Variants in C1QTNF7 observed in about 807,000 individuals in gnomAD.
C1QTNF7 encodes C1q and TNF related 7, also known as complement C1q tumor necrosis factor-related protein 7.
Under a neutral mutation model 19.6 loss-of-function variants are expected in C1QTNF7, and 15 were observed. The observed-to-expected ratio is 0.76, with a 90% CI of 0.51 to 1.18. C1QTNF7 has a LOEUF of 1.18. Ranked by LOEUF, C1QTNF7 falls within the 50% of genes most tolerant of loss-of-function variation. C1QTNF7 has a pLI of 0.00. For synonymous variants in C1QTNF7, 142 were observed against 137.5 expected (o/e 1.03, Z -0.23); for missense variants, 324 against 359.7 (o/e 0.90, Z 0.80).
intron 1 of C1QTNF7, among the ~76,000 whole-genome samples, chr4:15,363,835 T>C (rs748492136): frequency 2.0e-5 from 3 of 152,242 alleles, no homozygotes; most frequent in Non-Finnish European, 4.4e-5. Flanking sequence ...ATCAGACATA[T>C]AGAAAGTGAT....
At chr4:15,390,075 A>G (rs962864837) in intron 1 of C1QTNF7, among the ~76,000 whole-genome samples, 1 of 152,198 alleles carries the variant, frequency 6.6e-6, no homozygotes, top group Non-Finnish European at 1.5e-5. Context: ...TGTCCGCTGT[A>G]TACAAGACTA....
At chr4:15,417,994 C>T (rs1711524569) in intron 1 of C1QTNF7, among the ~76,000 whole-genome samples, 2 of 152,178 alleles carry the variant, frequency 1.3e-5, no homozygotes, top group South Asian at 4.1e-4. Flanking sequence ...TCCTACCAGG[C>T]CCCATCTCCA....
rs549027666 is a variant in C1QTNF7 at position 15,411,776 on chromosome 4, C to T, written c.14-23960C>T. Among the ~76,000 whole-genome samples the T allele has an allele frequency of 1.8e-4, 27 of 152,308 alleles. 1 individual carries two copies. In the South Asian group the frequency reaches 4.3e-3, roughly 25 times the overall value. On this transcript the variant is annotated intron_variant, in intron 1 of 2. Coordinates refer to the C1QTNF7 transcript ENST00000295297. ...GTTACCATCTTATGGTTCTGAAAGT[C>T]AGAAGTCTCAGGTGGGCTTCCAGGG...
chr4:15,366,358 C>G (rs1485162190), intron 1 of C1QTNF7, among the ~76,000 whole-genome samples: 1 of 152,150 alleles, frequency 6.6e-6, no homozygotes, highest in Non-Finnish European at 1.5e-5. Flanking sequence ...AAGTGTAAAC[C>G]TTAGCTACAG....
intron 1 of C1QTNF7, among the ~76,000 whole-genome samples, chr4:15,390,676 A>G (rs924488285): frequency 1.3e-5 from 2 of 152,250 alleles, no homozygotes; most frequent in African/African-American, 4.8e-5. Flanking sequence ...TGTGAATTAC[A>G]GCTGGTCTCA....
chr4:15,428,452 T>C (rs904580203), intron 1 of C1QTNF7, among the ~76,000 whole-genome samples: 2 of 152,116 alleles, frequency 1.3e-5, no homozygotes, highest in Admixed American at 6.6e-5. Context: ...TAATGAACTG[T>C]TGACAATAAT....
At chr4:15,371,905 C>T (rs567815906) in intron 1 of C1QTNF7, among the ~76,000 whole-genome samples, 1 of 152,170 alleles carries the variant, frequency 6.6e-6, no homozygotes, top group East Asian at 1.9e-4. Context: ...GTCTTGCCTC[C>T]AGGCAACTCA....
At chr4:15,424,343 A>T (rs972557583), upstream of C1QTNF7, among the ~76,000 whole-genome samples, 2 of 152,200 alleles carry the variant, frequency 1.3e-5, no homozygotes, top group African/African-American at 4.8e-5. Flanking sequence ...TAGAATAATC[A>T]GGAAAAAAGT....
At chr4:15,350,234 G>T (rs368606774) in intron 1 of C1QTNF7, among the ~76,000 whole-genome samples, 98 of 10,772 alleles carry the variant, frequency 9.1e-3, no homozygotes, top group African/African-American at 0.022. Flanking sequence ...AAGGAGGAAA[G>T]AAGGGAGGGA....
intron 1 of C1QTNF7, among the ~76,000 whole-genome samples, chr4:15,390,685 C>T (rs1718522846): frequency 6.6e-6 from 1 of 152,160 alleles, no homozygotes; most frequent in Non-Finnish European, 1.5e-5. Context: ...CAGCTGGTCT[C>T]AGTGGAAAAT....
chr4:15,424,662 C>T (rs966727194), upstream of C1QTNF7, among the ~76,000 whole-genome samples: 2 of 152,212 alleles, frequency 1.3e-5, no homozygotes, highest in African/African-American at 4.8e-5. Context: ...GCCTCTCTAA[C>T]AGCTGCCCCT....
chr4:15,381,685 C>A (rs908964816), intron 1 of C1QTNF7: 1 of 151,924 alleles, frequency 6.6e-6, no homozygotes, highest in Non-Finnish European at 1.5e-5. Context: ...GTTTATATGC[C>A]GTATAAAGAG....
At chr4:15,412,657 A>C (rs984195342) in intron 1 of C1QTNF7, among the ~76,000 whole-genome samples, 1 of 152,204 alleles carries the variant, frequency 6.6e-6, no homozygotes, top group African/African-American at 2.4e-5. Flanking sequence ...ACGTATGGTA[A>C]ACACACTCAC....
intron 1 of C1QTNF7, among the ~76,000 whole-genome samples, chr4:15,342,314 C>T (rs1341208997): frequency 6.6e-6 from 1 of 152,166 alleles, no homozygotes; most frequent in South Asian, 2.1e-4. Flanking sequence ...GTCCACGTTT[C>T]GGGCCACAAG....
upstream of C1QTNF7, among the ~76,000 whole-genome samples, chr4:15,423,307 T>A (rs1229313769): frequency 5.2e-5 from 3 of 57,224 alleles, no homozygotes; most frequent in Non-Finnish European, 1.1e-4. Flanking sequence ...TGAGTTGAGA[T>A]CCTGTCTTCG....
chr4:15,354,098 C>T (rs1236417023), intron 1 of C1QTNF7, among the ~76,000 whole-genome samples: 2 of 152,050 alleles, frequency 1.3e-5, no homozygotes, highest in Admixed American at 6.6e-5. Context: ...CACCCAAACC[C>T]GTTCTCCAAC....
At position 15,413,823 on chromosome 4, in the gene C1QTNF7, G is replaced by A. The variant is rs184136884; in HGVS notation, c.14-21913G>A. Among the ~76,000 whole-genome samples the A allele has an allele frequency of 5.6e-4, 85 of 152,256 alleles. 1 individual carries two copies. Among genetic ancestry groups the A allele is most frequent in the South Asian group, 2.1e-3 (10 of 4,822 alleles). On this transcript the variant is annotated intron_variant, in intron 1 of 2. Transcript: ENST00000295297. Reference sequence around the variant, plus strand: ...TTCTCAAGTTGACAACCACAATACCGCGTGATCCTTACTCAGCCCCTACAA... The same window carrying A: ...TTCTCAAGTTGACAACCACAATACCACGTGATCCTTACTCAGCCCCTACAA...
At chr4:15,404,707 G>T (rs1032756969) in intron 1 of C1QTNF7, among the ~76,000 whole-genome samples, 3 of 152,124 alleles carry the variant, frequency 2.0e-5, no homozygotes, top group African/African-American at 7.2e-5. Context: ...ACTGCGGTAG[G>T]GTTGTCATTT....
Position 15,435,735 on chromosome 4 carries a change from G to C in C1QTNF7, c.-8-1G>C. 1 of 1,614,104 alleles carries C rather than the reference G, an allele frequency of 6.2e-7. No individual in the cohort carries two copies. Among genetic ancestry groups the C allele is most frequent in the Non-Finnish European group, 8.5e-7 (1 of 1,179,988 alleles). The stretch of plus-strand genomic sequence containing the variant: ...TTTACGTCTGTGTGTTTCTCTTCCA[G>C]AGCCAAAGATGTTTGTCTTGCTCTA... On this transcript the variant is annotated splice_acceptor_variant, in intron 1 of 2. Transcript: ENST00000444304. LOFTEE classifies it low-confidence loss of function (5UTR_SPLICE).
Sources: allele counts gnomAD v4.1 joint callset (sites outside exome capture counted in the v4.1 genomes callset), GRCh38; gene constraint gnomAD v4.1.1; transcripts MANE v1.5; gene names NCBI Gene and HGNC (gene_info 2026-07-23, HGNC 2026-07-21).